Variants in FOXN3 observed in about 807,000 individuals in gnomAD.
The protein encoded by FOXN3 is forkhead box protein N3.
Under a neutral mutation model 38.4 loss-of-function variants are expected in FOXN3, and 7 were observed. The ratio of observed to expected loss-of-function variants is 0.18; its 90% CI spans 0.10 to 0.34. The LOEUF is 0.34. Ranked by LOEUF, FOXN3 falls within the 10% of genes least tolerant of loss-of-function variation. The probability of loss-of-function intolerance (pLI) is 1.00; values close to 1 mark genes in which losing one functional copy is unlikely to be tolerated. For missense variants in FOXN3, 456 were observed against 613.4 expected (o/e 0.74, Z 2.71); for synonymous variants, 230 against 242.2 (o/e 0.95, Z 0.47).
intron 1 of FOXN3, among the ~76,000 whole-genome samples, chr14:89,536,220 A>C (rs1035016979): frequency 1.3e-5 from 2 of 152,204 alleles, no homozygotes. Context: ...GCCTGGTTTC[A>C]AATCCTGGCT....
At chr14:89,473,362 G>A (rs1339805163) in intron 1 of FOXN3, among the ~76,000 whole-genome samples, 1 of 149,578 alleles carries the variant, frequency 6.7e-6, no homozygotes, top group African/African-American at 2.5e-5. Flanking sequence ...TTTCTGATAT[G>A]GAAGATTTAC....
chr14:89,278,784 G>A (rs1015437601), intron 4 of FOXN3, among the ~76,000 whole-genome samples: 2 of 152,254 alleles, frequency 1.3e-5, no homozygotes, highest in East Asian at 3.9e-4. Context: ...AAAAACGAGG[G>A]ATGTGCGTAC....
rs147428913 is a variant in FOXN3, at chr14:89,481,379, GGC to G, written c.-14-68891_-14-68890del. ...CACGTCAGTGAGGCCTGCTGTTGCT[GGC>G]TCTGGAAAACGACGTAGTGACTTCC... is the stretch of plus-strand genomic sequence containing the variant. On this transcript the variant is annotated intron_variant, in intron 1 of 6. Transcript: ENST00000345097. 2.0e-3 allele frequency among the ~76,000 whole-genome samples: 306 copies of G among 152,286 alleles called. 9 individuals are homozygous for G. In the East Asian group the frequency reaches 0.05, roughly 25 times the overall value.
rs1886996371 is a variant in FOXN3, at chr14:89,157,036, A to G, written c.*5378T>C. 1 of 152,682 alleles carries G rather than the reference A, an allele frequency of 6.5e-6. No individual in the cohort carries two copies. The highest frequency in any genetic ancestry group is 1.5e-5 in the Non-Finnish European group (1 of 68,046). The allele number at this position is 152,682 out of a possible 1,614,324, so 9.5% of individuals were successfully genotyped here. On this transcript the variant is annotated 3_prime_UTR_variant, in exon 6 of 6. Transcript: ENST00000557258. ...GAATATCAATTATTTTGCAAAAGGT[A>G]GAGAAAGCAGTTCTCAACTTTTGCA...
intron 3 of FOXN3, among the ~76,000 whole-genome samples, chr14:89,297,338 G>A (rs202126030): frequency 2.6e-5 from 4 of 151,924 alleles, no homozygotes; most frequent in African/African-American, 9.7e-5. Flanking sequence ...CGAGGCGGGC[G>A]GATCACAAGG....
intron 4 of FOXN3, 98 bp downstream of exon 4, chr14:89,280,852 C>T (rs542115793): frequency 1.5e-4 from 161 of 1,042,382 alleles, no homozygotes; most frequent in Middle Eastern, 2.1e-4. Flanking sequence ...CACTCCTAAA[C>T]GGGACAGAAC....
chr14:89,495,096 C>G (rs1893652796), intron 1 of FOXN3, among the ~76,000 whole-genome samples: 1 of 152,180 alleles, frequency 6.6e-6, no homozygotes. Flanking sequence ...TAATATTCAT[C>G]ACGGTAGACA....
intron 1 of FOXN3, among the ~76,000 whole-genome samples, chr14:89,414,547 A>G (rs1369929095): frequency 7.1e-6 from 1 of 140,778 alleles, no homozygotes; most frequent in Non-Finnish European, 1.5e-5. Flanking sequence ...GAGAGGCCCA[A>G]CCGGTTTTTT....
At chr14:89,612,380 A>G (rs1445543622) in intron 1 of FOXN3, among the ~76,000 whole-genome samples, 1 of 152,208 alleles carries the variant, frequency 6.6e-6, no homozygotes, top group Non-Finnish European at 1.5e-5. Flanking sequence ...AGTCACAAGA[A>G]AAAACATGAT....
chr14:89,371,575 C>T (rs565443907), intron 2 of FOXN3, among the ~76,000 whole-genome samples: 27 of 151,960 alleles, frequency 1.8e-4, no homozygotes, highest in Non-Finnish European at 2.5e-4. Context: ...ATATTATGTA[C>T]GTGTGCTGGA....
At chr14:89,604,158 T>A (rs960823085) in intron 1 of FOXN3, among the ~76,000 whole-genome samples, 2 of 150,968 alleles carry the variant, frequency 1.3e-5, no homozygotes, top group Admixed American at 1.3e-4. Context: ...TCCAACCCAC[T>A]GATAAAGAAT....
At chr14:89,312,584 A>C (rs1370087370) in intron 3 of FOXN3, among the ~76,000 whole-genome samples, 1 of 152,142 alleles carries the variant, frequency 6.6e-6, no homozygotes, top group Non-Finnish European at 1.5e-5. Flanking sequence ...TTGGTCCATA[A>C]ATTCAGCTTC....
At chr14:89,356,522 C>A (rs1049661679) in intron 2 of FOXN3, 1 of 152,092 alleles carries the variant, frequency 6.6e-6, no homozygotes, top group Non-Finnish European at 1.5e-5. Context: ...ACAATTGTAA[C>A]CCTGTAAAGC....
At chr14:89,456,662 A>C (rs567506881) in intron 1 of FOXN3, among the ~76,000 whole-genome samples, 2 of 152,316 alleles carry the variant, frequency 1.3e-5, no homozygotes, top group African/African-American at 4.8e-5. Context: ...AGGCTGAGGC[A>C]TAAGAATCGC....
intron 1 of FOXN3, among the ~76,000 whole-genome samples, chr14:89,450,913 G>T (rs1406597244): frequency 6.6e-6 from 1 of 152,168 alleles, no homozygotes; most frequent in Non-Finnish European, 1.5e-5. Flanking sequence ...AGGACATGTG[G>T]CATGCCACAA....
intron 1 of FOXN3, among the ~76,000 whole-genome samples, chr14:89,519,238 C>A (rs921787892): frequency 6.6e-6 from 1 of 152,136 alleles, no homozygotes; most frequent in Admixed American, 6.5e-5. Context: ...CTGAAGGAAA[C>A]CGCATTTTCA....
chr14:89,239,940 G>A (rs1885094745), intron 4 of FOXN3, among the ~76,000 whole-genome samples: 1 of 152,188 alleles, frequency 6.6e-6, no homozygotes, highest in African/African-American at 2.4e-5. Context: ...TTTATGTCTG[G>A]AAGACCAGTG....
intron 3 of FOXN3, chr14:89,291,003 G>A (rs1033305385): frequency 9.0e-6 from 4 of 442,598 alleles, no homozygotes; most frequent in Non-Finnish European, 1.8e-5. Flanking sequence ...CGTGAGGCCC[G>A]TGGTGTGGTG....
chr14:89,602,473 G>A (rs184551504), intron 1 of FOXN3, among the ~76,000 whole-genome samples: 66 of 152,098 alleles, frequency 4.3e-4, no homozygotes, highest in African/African-American at 1.5e-3. Flanking sequence ...TCAAAACTGA[G>A]TGGTAGGTGA....
Sources: allele counts gnomAD v4.1 joint callset (sites outside exome capture counted in the v4.1 genomes callset), GRCh38; gene constraint gnomAD v4.1.1; transcripts MANE v1.5; gene names NCBI Gene and HGNC (gene_info 2026-07-23, HGNC 2026-07-21).